ZNF219: variants seen among roughly 807,000 people sequenced by gnomAD.
ZNF219 encodes zinc finger protein 219.
ZNF219 carries 17 observed loss-of-function variants against 54.4 expected under a neutral mutation model. The observed-to-expected ratio is 0.31, with a 90% CI of 0.21 to 0.47. The LOEUF is 0.47. ZNF219 is among the 20% of genes least tolerant of loss of function. The probability of loss-of-function intolerance (pLI) is 1.00; values close to 1 mark genes in which losing one functional copy is unlikely to be tolerated. For synonymous variants in ZNF219, 518 were observed against 476.4 expected, an observed-to-expected ratio of 1.09 and a Z score of -1.14; for missense variants, 1,014 against 1,062.3, an observed-to-expected ratio of 0.95 and a Z score of 0.63.
At chr14:21,102,141 G>A (rs1889681409), upstream of ZNF219, 1 of 1,546,988 alleles carries the variant, frequency 6.5e-7, no homozygotes, top group African/African-American at 1.4e-5. Flanking sequence ...AGAAAACGCA[G>A]CACTGTCCTC....
chr14:21,101,686 T>TA, upstream of ZNF219: 1 of 652,736 alleles, frequency 1.5e-6, no homozygotes, highest in Admixed American at 2.9e-5. Context: ...TAAACTACAA[T>TA]ATGAGGCAGA....
At position 21,090,373 on chromosome 14, in the gene ZNF219, C is replaced by G. The variant is rs1260321074; in HGVS notation, c.*163G>C. The G allele has an allele frequency of 2.0e-6, 2 of 984,258 alleles. No homozygotes were observed. The highest frequency in any genetic ancestry group is 1.5e-6 in the Non-Finnish European group (1 of 664,760). 61.0% of individuals were successfully genotyped at this position (984,258 alleles called of 1,614,324 possible). On this transcript the variant is annotated 3_prime_UTR_variant, in exon 5 of 5. Coordinates refer to ENST00000360947, the MANE Select transcript of ZNF219 (RefSeq NM_016423.3). The surrounding 1 kb of genome is among the most constrained non-coding windows in gnomAD (Gnocchi z 4.4). The stretch of plus-strand genomic sequence containing the variant: ...ACTCCCTTGGGCTGGGTGGGTACCG[C>G]CAGCCCACCCTCCTACGCCCGCCGC...
chr14:21,102,790 A>C, upstream of ZNF219: 1 of 1,546,904 alleles, frequency 6.5e-7, no homozygotes, highest in East Asian at 2.4e-5. Flanking sequence ...GTATGGGGGC[A>C]GGGAAGAAAG....
Position 21,091,151 on chromosome 14 carries a change from TG to T in ZNF219, c.1565-12del. ...TGTAGGGCCGCTCGCCTGGGGAGAG[TG>T]GGTGCGATAGGGTCACGGGGTCACG... On this transcript the variant is annotated splice_polypyrimidine_tract_variant and intron_variant, in intron 4 of 4. Coordinates refer to ENST00000360947, the MANE Select transcript of ZNF219 (RefSeq NM_016423.3). 1 of 1,593,494 alleles carries T rather than the reference TG, an allele frequency of 6.3e-7. No homozygotes were observed. The highest frequency in any genetic ancestry group is 8.5e-7 in the Non-Finnish European group (1 of 1,175,132).
upstream of ZNF219, chr14:21,098,668 CG>C (rs2139334072): frequency 1.2e-6 from 1 of 847,400 alleles, no homozygotes; most frequent in South Asian, 3.0e-5. Context: ...GGGGCGCTGT[CG>C]GAGGGAGGGA....
intron 1 of ZNF219, among the ~76,000 whole-genome samples, chr14:21,096,884 T>C (rs938329909): frequency 6.6e-6 from 1 of 152,078 alleles, no homozygotes; most frequent in Non-Finnish European, 1.5e-5. Flanking sequence ...GATTCAAAAG[T>C]TTTTAGGGTC....
chr14:21,101,809 G>C (rs1053903301), upstream of ZNF219: 33 of 1,407,498 alleles, frequency 2.3e-5, 1 homozygote, highest in Non-Finnish European at 3.1e-5. Flanking sequence ...TAGGAGTTAC[G>C]AGAAGGGAGG....
Position 21,091,559 on chromosome 14 carries a change from A to G in ZNF219, c.1433-17T>C. The G allele has an allele frequency of 1.3e-6, 2 of 1,587,696 alleles. No individual in the cohort carries two copies. The highest frequency in any genetic ancestry group is 1.7e-6 in the Non-Finnish European group (2 of 1,159,400). On this transcript the variant is annotated splice_polypyrimidine_tract_variant and intron_variant, in intron 3 of 4. Coordinates refer to ENST00000360947, the MANE Select transcript of ZNF219 (RefSeq NM_016423.3). ...CATTCTCTTCTGCAACACATACGTT[A>G]AGAGGAAGTCAGGGGGGCCCACACC...
chr14:21,091,088 G>A lies in ZNF219; in HGVS notation c.1617C>T (p.Gly539=). Residue 539 remains glycine, a synonymous_variant, in exon 5 of 5, where the codon GGC becomes GGT. Coordinates refer to ENST00000360947, the MANE Select transcript of ZNF219 (RefSeq NM_016423.3). The stretch of plus-strand genomic sequence containing the variant: ...GGCGCTGTAGGTGATACTTGAGCGA[G>A]CCGGACTGGGTGCCCGCGTAGTCGC... ...PHCDYAGTQS[G]SLKYHLQRHH... The A allele has an allele frequency of 6.4e-7, 1 of 1,574,720 alleles. No homozygotes were observed. Among genetic ancestry groups the A allele is most frequent in the Non-Finnish European group, 8.6e-7 (1 of 1,164,434 alleles).
At chr14:21,102,026 G>A (rs769073990), upstream of ZNF219, 11 of 1,550,470 alleles carry the variant, frequency 7.1e-6, no homozygotes, top group Middle Eastern at 1.7e-4. Context: ...CCTTCCTAAC[G>A]GGACCAGAGC....
upstream of ZNF219, among the ~76,000 whole-genome samples, chr14:21,099,774 A>C (rs1234679739): frequency 6.6e-6 from 1 of 152,232 alleles, no homozygotes; most frequent in Non-Finnish European, 1.5e-5. Flanking sequence ...TTCCTTTTAT[A>C]GATAAGGGAA....
chr14:21,093,916 A>G (rs1157723237), intron 1 of ZNF219: 3 of 463,732 alleles, frequency 6.5e-6, no homozygotes, highest in Admixed American at 3.4e-5. Flanking sequence ...TGCATGGTCC[A>G]GAACAACCAC....
chr14:21,102,784 G>T (rs374819226), upstream of ZNF219: 2 of 1,548,028 alleles, frequency 1.3e-6, no homozygotes, highest in South Asian at 1.2e-5. Flanking sequence ...CAGGAGGTAT[G>T]GGGGCAGGGA....
rs953329576 is a variant in ZNF219, at chr14:21,098,531, G to T, written c.-303C>A. The T allele has an allele frequency of 1.7e-5, 17 of 986,610 alleles. No individual in the cohort carries two copies. The Admixed American group carries it at 3.1e-4, about 18-fold the overall frequency. The allele number at this position is 986,610 out of a possible 1,614,324, so 61.1% of individuals were successfully genotyped here. ...GAGGCGGCCCGGCCATTAGCATGCGGGGGGCGGCGCGGCGGGGCTGGGAGC... is the reference window on the plus strand; with the variant it reads ...GAGGCGGCCCGGCCATTAGCATGCGTGGGGCGGCGCGGCGGGGCTGGGAGC... On this transcript the variant is annotated 5_prime_UTR_variant, in exon 1 of 5. Coordinates refer to ENST00000360947, the MANE Select transcript of ZNF219 (RefSeq NM_016423.3).
chr14:21,100,471 C>T (rs1889563016), upstream of ZNF219, among the ~76,000 whole-genome samples: 1 of 152,132 alleles, frequency 6.6e-6, no homozygotes, highest in South Asian at 2.1e-4. Flanking sequence ...GGCACCTTCT[C>T]TCTCAAAAAT....
upstream of ZNF219, chr14:21,101,889 GT>G: frequency 6.4e-7 from 1 of 1,551,580 alleles, no homozygotes; most frequent in Non-Finnish European, 8.7e-7. Flanking sequence ...GCTGGCAGTG[GT>G]TGTGGTGCCC....
Position 21,092,611 on chromosome 14 carries a change from T to G in ZNF219, c.686A>C (p.Gln229Pro), listed in dbSNP as rs201629100. 7.9e-5 allele frequency: 114 copies of G among 1,444,110 alleles called. No homozygotes were observed. The highest frequency in any genetic ancestry group is 2.2e-4 in the East Asian group (9 of 41,492). 89.5% of individuals were successfully genotyped at this position (1,444,110 alleles called of 1,614,324 possible). Residue 229 changes from glutamine (Q) to proline (P), a missense_variant, in exon 3 of 5, where the codon CAG becomes CCG. This residue lies in a region of ZNF219 where 395 missense variants were observed against 415.1 expected (regional missense o/e 0.95). Coordinates refer to ENST00000360947, the MANE Select transcript of ZNF219 (RefSeq NM_016423.3). Reference sequence around the variant, plus strand: ...CTGGGGTGGAGGCTGAGGCTGAGGCTGAGGCGGAGGCGCAGCGGAGGTGGC... The same window carrying G: ...CTGGGGTGGAGGCTGAGGCTGAGGCGGAGGCGGAGGCGCAGCGGAGGTGGC... ...LAATSAAPPP[Q>P]PQPQPPPQPE...
In ZNF219 at chr14:21,090,386, C is replaced by T; in HGVS notation, c.*150G>A. ...GGGTGGGTACCGCCAGCCCACCCTCCTACGCCCGCCGCGCCTTCCACCTCT... is the reference window on the plus strand; with the variant it reads ...GGGTGGGTACCGCCAGCCCACCCTCTTACGCCCGCCGCGCCTTCCACCTCT... On this transcript the variant is annotated 3_prime_UTR_variant, in exon 5 of 5. Transcript: ENST00000360947. The surrounding 1 kb of genome is among the most constrained non-coding windows in gnomAD (Gnocchi z 4.4). 9.0e-7 allele frequency: 1 copy of T among 1,111,568 alleles called. No individual in the cohort carries two copies. The highest frequency in any genetic ancestry group is 1.3e-6 in the Non-Finnish European group (1 of 785,652). The allele number at this position is 1,111,568 out of a possible 1,614,324, so 68.9% of individuals were successfully genotyped here.
At chr14:21,091,227 T>G (rs1354190680) in intron 4 of ZNF219, 87 bp from the exon 5 acceptor site, 1 of 1,519,730 alleles carries the variant, frequency 6.6e-7, no homozygotes, top group African/African-American at 1.4e-5. Context: ...GACCTCATTC[T>G]CAGAACCAAG....
Sources: allele counts gnomAD v4.1 joint callset (sites outside exome capture counted in the v4.1 genomes callset), GRCh38; gene constraint gnomAD v4.1.1; regional missense constraint gnomAD v4.1.1; non-coding constraint Gnocchi (gnomAD v3.1); transcripts MANE v1.5; gene names NCBI Gene and HGNC (gene_info 2026-07-23, HGNC 2026-07-21).